Variants in ADGRD1 observed in about 807,000 individuals in gnomAD.
ADGRD1 encodes the protein G-protein coupled receptor 133.
A neutral mutation model predicts 113.4 loss-of-function variants in ADGRD1; 77 were observed. The observed-to-expected ratio is 0.68, with a 90% CI of 0.57 to 0.82. ADGRD1 has a LOEUF of 0.82. Ranked by LOEUF, ADGRD1 falls within the 40% of genes least tolerant of loss-of-function variation. The probability of loss-of-function intolerance (pLI) is 0.00; values close to 1 mark genes in which losing one functional copy is unlikely to be tolerated. For missense variants in ADGRD1, 1,036 were observed against 1,139.1 expected (o/e 0.91, Z 1.30); for synonymous variants, 474 against 475.0 (o/e 1.00, Z 0.03).
chr12:131,127,118 A>G (rs1373215347), intron 20 of ADGRD1, among the ~76,000 whole-genome samples: 1 of 150,590 alleles, frequency 6.6e-6, no homozygotes, highest in African/African-American at 2.4e-5. Context: ...CCCAGGCTAA[A>G]AGAAAAAAAA....
At chr12:130,987,474 A>G in intron 6 of ADGRD1, 125 bp downstream of exon 6, 2 of 1,018,440 alleles carry the variant, frequency 2.0e-6, no homozygotes, top group Non-Finnish European at 2.9e-6. Flanking sequence ...ATGTGTCCTA[A>G]TGAACCTTAT....
chr12:131,061,959 T>C (rs903591805), intron 13 of ADGRD1, among the ~76,000 whole-genome samples: 1 of 152,208 alleles, frequency 6.6e-6, no homozygotes, highest in Non-Finnish European at 1.5e-5. Context: ...TTGTTTATAC[T>C]TTTTCATTGC....
chr12:131,101,544 T>C (rs1950087861), intron 15 of ADGRD1, among the ~76,000 whole-genome samples: 1 of 151,906 alleles, frequency 6.6e-6, no homozygotes, highest in Non-Finnish European at 1.5e-5. Context: ...TGGGCCATCA[T>C]GTCTGGCTAA....
intron 13 of ADGRD1, among the ~76,000 whole-genome samples, chr12:131,033,410 A>G (rs73477360): frequency 0.03 from 4,565 of 152,326 alleles, 244 homozygotes; most frequent in African/African-American, 0.1. Flanking sequence ...CCCTGGAGGC[A>G]CAGTGAGCAG....
chr12:131,037,979 T>A (rs986263563), intron 13 of ADGRD1, among the ~76,000 whole-genome samples: 6 of 148,102 alleles, frequency 4.1e-5, no homozygotes, highest in South Asian at 4.3e-4. Context: ...CTCACTGCAC[T>A]GGGTCTTACT....
intron 7 of ADGRD1, among the ~76,000 whole-genome samples, chr12:130,991,826 TA>T (rs1371452943): frequency 6.6e-6 from 1 of 150,962 alleles, no homozygotes; most frequent in Admixed American, 6.6e-5. Context: ...TCTCTATAAA[TA>T]AAAAAAAGAG....
chr12:130,998,561 T>C lies in ADGRD1; in HGVS notation c.967-1822T>C, dbSNP rs1486558779. Among the ~76,000 whole-genome samples, 3 of 151,982 alleles carry C rather than the reference T, an allele frequency of 2.0e-5. No homozygotes were observed. The East Asian group carries it at 5.8e-4, about 29-fold the overall frequency. On this transcript the variant is annotated intron_variant, in intron 8 of 24. Transcript: ENST00000261654. ...CTCACTGCAACCTCTGCCTTCTGAG[T>C]TCAAGCGATTCTCCTGCCTCAGCCT...
intron 13 of ADGRD1, among the ~76,000 whole-genome samples, chr12:131,046,845 C>G (rs1258725130): frequency 6.0e-5 from 8 of 132,974 alleles, no homozygotes; most frequent in African/African-American, 2.3e-4. Flanking sequence ...CCTCCCTGGT[C>G]AGTGTCCTCC....
chr12:131,092,085 A>G (rs34507968), intron 15 of ADGRD1: 12,778 of 152,256 alleles, frequency 0.084, 708 homozygotes, highest in Non-Finnish European at 0.12. Flanking sequence ...TGCTGGCACA[A>G]CTGGTCTGTA....
chr12:130,992,632 C>T (rs35050250), intron 8 of ADGRD1, among the ~76,000 whole-genome samples: 13,648 of 152,318 alleles, frequency 0.09, 801 homozygotes, highest in Middle Eastern at 0.15. Context: ...AATGCCCAAC[C>T]TGCCTGGTCC....
chr12:131,099,630 C>T (rs760323087), intron 15 of ADGRD1, among the ~76,000 whole-genome samples: 3 of 152,172 alleles, frequency 2.0e-5, no homozygotes, highest in Non-Finnish European at 2.9e-5. Context: ...GAATGTATAA[C>T]GTTACATGCA....
At chr12:131,042,898 C>G (rs963926963) in intron 13 of ADGRD1, among the ~76,000 whole-genome samples, 32 of 152,388 alleles carry the variant, frequency 2.1e-4, no homozygotes, top group Middle Eastern at 3.4e-3. Flanking sequence ...GGCCTGCGGG[C>G]ACAGCTGGGC....
Position 130,955,102 on chromosome 12 carries a change from G to T in ADGRD1, c.103+442G>T, listed in dbSNP as rs1207217984. ...AGCCACCTGAGTAGCTGGGATCACA[G>T]GTGTGCACCACTACACCCAGCTTTT... On this transcript the variant is annotated intron_variant, in intron 2 of 24. Transcript: ENST00000261654. Among the ~76,000 whole-genome samples, 3 of 137,194 alleles carry T rather than the reference G, an allele frequency of 2.2e-5. No individual in the cohort carries two copies. In the East Asian group the frequency reaches 6.3e-4, roughly 29 times the overall value. 90.0% of individuals were successfully genotyped at this position (137,194 alleles called of 152,430 possible).
chr12:131,050,934 C>G lies in ADGRD1; in HGVS notation c.1474-25867C>G, dbSNP rs1243562722. Among the ~76,000 whole-genome samples the G allele has an allele frequency of 6.6e-6, 1 of 152,186 alleles. No homozygotes were observed. The highest frequency in any genetic ancestry group is 2.4e-5 in the African/African-American group (1 of 41,450). ...AGCTCAGGTGGGAATGCCTGCTTGCCCACCGCTCTGTGTGCTGTGTGCCCG... is the reference window on the plus strand; with the variant it reads ...AGCTCAGGTGGGAATGCCTGCTTGCGCACCGCTCTGTGTGCTGTGTGCCCG... On this transcript the variant is annotated intron_variant, in intron 13 of 24. Transcript: ENST00000261654. The surrounding 1 kb of genome is among the most constrained non-coding windows in gnomAD (Gnocchi z 4.8).
At chr12:131,117,852 A>G (rs1950505803) in intron 18 of ADGRD1, among the ~76,000 whole-genome samples, 1 of 152,226 alleles carries the variant, frequency 6.6e-6, no homozygotes, top group Non-Finnish European at 1.5e-5. Context: ...CCGCCGCTCT[A>G]GAACAGGGCT....
At position 131,096,656 on chromosome 12, in the gene ADGRD1, A is replaced by G. The variant is rs562893490; in HGVS notation, c.1672-8175A>G. Among the ~76,000 whole-genome samples, 1 of 151,820 alleles carries G rather than the reference A, an allele frequency of 6.6e-6. No individual in the cohort carries two copies. ...TTACATCCCGCCTCCATCTGTGAGG[A>G]TGGGTTCCCGTGGGGCACTGCCGGT... On this transcript the variant is annotated intron_variant, in intron 15 of 24. Transcript: ENST00000261654. This position sits in a 1 kb window ranked among gnomAD's most constrained non-coding sequence, Gnocchi z 5.2.
intron 20 of ADGRD1, among the ~76,000 whole-genome samples, chr12:131,130,061 C>G (rs1950873565): frequency 6.6e-6 from 1 of 152,256 alleles, no homozygotes; most frequent in African/African-American, 2.4e-5. Flanking sequence ...AACCACTGAC[C>G]TGTCATCCAC....
At chr12:131,118,066 G>A (rs987091919) in intron 18 of ADGRD1, among the ~76,000 whole-genome samples, 1 of 152,240 alleles carries the variant, frequency 6.6e-6, no homozygotes, top group African/African-American at 2.4e-5. Flanking sequence ...GATAGACCAA[G>A]CTGAGCTTAC....
intron 13 of ADGRD1, among the ~76,000 whole-genome samples, chr12:131,062,130 G>A (rs774035607): frequency 1.3e-5 from 2 of 152,090 alleles, no homozygotes; most frequent in African/African-American, 4.8e-5. Context: ...AGATTCAAGC[G>A]ATTCTCCTGC....
Sources: gnomAD v4.1 joint callset for allele counts (sites outside exome capture counted in the v4.1 genomes callset) on GRCh38, gnomAD v4.1.1 for gene constraint, Gnocchi (gnomAD v3.1) non-coding constraint, MANE v1.5 for transcripts, NCBI Gene and HGNC (gene_info 2026-07-23, HGNC 2026-07-21) for gene names.